Variants in RASAL2 observed in about 807,000 individuals in gnomAD.
The protein encoded by RASAL2 is RAS protein activator like 2.
Under a neutral mutation model 128.9 loss-of-function variants are expected in RASAL2, and 58 were observed. The ratio of observed to expected loss-of-function variants is 0.45; its 90% CI spans 0.36 to 0.56. RASAL2 has a LOEUF of 0.56. RASAL2 is among the 20% of genes least tolerant of loss of function. RASAL2 has a pLI of 0.00. For missense variants in RASAL2, 1,360 were observed against 1,601.6 expected, an observed-to-expected ratio of 0.85 and a Z score of 2.57; for synonymous variants, 561 against 580.8, an observed-to-expected ratio of 0.97 and a Z score of 0.49.
At position 178,371,681 on chromosome 1, in the gene RASAL2, G is replaced by A. The variant is rs74415169; in HGVS notation, c.458-18419G>A. Among the ~76,000 whole-genome samples the A allele has an allele frequency of 5.0e-3, 767 of 152,216 alleles. 15 individuals carry two copies. Among genetic ancestry groups the A allele is most frequent in the African/African-American group, 0.018 (738 of 41,526 alleles). The stretch of plus-strand genomic sequence containing the variant: ...CTGTTGAAATAGCTAAAGCAGGAAG[G>A]GGAAGGGGGCTGCAGTTCTTGCGGA... On this transcript the variant is annotated intron_variant, in intron 3 of 17. Coordinates refer to ENST00000367649, the MANE Select transcript of RASAL2 (RefSeq NM_170692.4).
intron 1 of RASAL2, among the ~76,000 whole-genome samples, chr1:178,216,717 G>A (rs1163867313): frequency 2.0e-5 from 3 of 152,138 alleles, no homozygotes; most frequent in African/African-American, 7.2e-5. Context: ...TTGGCTCACT[G>A]CAGCCTCTGC....
intron 9 of RASAL2, among the ~76,000 whole-genome samples, chr1:178,448,714 T>C (rs977296007): frequency 3.3e-5 from 5 of 151,828 alleles, no homozygotes; most frequent in Non-Finnish European, 7.4e-5. Context: ...TAGGAGTGAG[T>C]ATTTATTGAC....
intron 1 of RASAL2, among the ~76,000 whole-genome samples, chr1:178,097,136 A>G (rs2102210746): frequency 1.3e-5 from 2 of 152,320 alleles, no homozygotes; most frequent in East Asian, 3.9e-4. Flanking sequence ...GGAAATCTAC[A>G]AATTGGGAAC....
At chr1:178,457,562 T>G in intron 13 of RASAL2, 121 bp from the exon 14 acceptor site, 1 of 1,017,906 alleles carries the variant, frequency 9.8e-7, no homozygotes, top group Admixed American at 2.7e-5. Context: ...AATCTGAGTT[T>G]CCAAAGAAAT....
intron 1 of RASAL2, among the ~76,000 whole-genome samples, chr1:178,112,311 G>C (rs1220481249): frequency 6.6e-6 from 1 of 152,020 alleles, no homozygotes; most frequent in Non-Finnish European, 1.5e-5. Context: ...TAGCACTTTG[G>C]GAGGCCAAGG....
intron 3 of RASAL2, among the ~76,000 whole-genome samples, chr1:178,300,733 C>G (rs1334266516): frequency 6.6e-6 from 1 of 152,122 alleles, no homozygotes; most frequent in African/African-American, 2.4e-5. Flanking sequence ...AGCTCTTCTC[C>G]CATTCCCTAC....
At chr1:178,283,824 A>C in intron 2 of RASAL2, 133 bp downstream of exon 2, 1 of 1,058,102 alleles carries the variant, frequency 9.5e-7, no homozygotes, top group South Asian at 1.6e-5. Context: ...GTAAGTCTAA[A>C]AGGCTGCTAA....
chr1:178,471,676 C>A (rs1354206733), intron 17 of RASAL2, among the ~76,000 whole-genome samples: 1 of 152,014 alleles, frequency 6.6e-6, no homozygotes, highest in East Asian at 1.9e-4. Context: ...CTTACGGATC[C>A]TACCCTCCTG....
chr1:178,204,447 C>T (rs1662975186), intron 1 of RASAL2, among the ~76,000 whole-genome samples: 2 of 152,144 alleles, frequency 1.3e-5, no homozygotes, highest in Non-Finnish European at 2.9e-5. Flanking sequence ...CTATTCATCT[C>T]TGTATCTTTG....
At chr1:178,156,623 A>G (rs1221094883) in intron 1 of RASAL2, among the ~76,000 whole-genome samples, 1 of 152,202 alleles carries the variant, frequency 6.6e-6, no homozygotes, top group Admixed American at 6.5e-5. Context: ...TAAAGTGTAT[A>G]CTTCTTTTTG....
At chr1:178,394,856 A>T (rs1316056126) in intron 4 of RASAL2, among the ~76,000 whole-genome samples, 1 of 152,206 alleles carries the variant, frequency 6.6e-6, no homozygotes, top group Non-Finnish European at 1.5e-5. Context: ...GAAAGAAAAC[A>T]TTGTCAAAAA....
chr1:178,426,904 G>T (rs570987007), intron 5 of RASAL2, among the ~76,000 whole-genome samples: 14 of 152,228 alleles, frequency 9.2e-5, no homozygotes, highest in Non-Finnish European at 1.9e-4. Context: ...GATTAATCCA[G>T]CAGTGGAATT....
intron 1 of RASAL2, among the ~76,000 whole-genome samples, chr1:178,238,021 C>T (rs1664331126): frequency 6.6e-6 from 1 of 152,194 alleles, no homozygotes; most frequent in Non-Finnish European, 1.5e-5. Context: ...GCTGTACAAG[C>T]ACACCACAAT....
chr1:178,150,411 C>T (rs1043566539), intron 1 of RASAL2, among the ~76,000 whole-genome samples: 3 of 152,100 alleles, frequency 2.0e-5, no homozygotes, highest in African/African-American at 7.2e-5. Flanking sequence ...GTCTCAAACT[C>T]CTGACCTCAG....
chr1:178,471,845 C>T (rs186294959), intron 17 of RASAL2, among the ~76,000 whole-genome samples: 3 of 152,266 alleles, frequency 2.0e-5, no homozygotes, highest in African/African-American at 4.8e-5. Flanking sequence ...TGGGTAGCTG[C>T]TGTTTTAATA....
At position 178,369,050 on chromosome 1, in the gene RASAL2, A is replaced by G. The variant is rs543038192; in HGVS notation, c.458-21050A>G. Among the ~76,000 whole-genome samples, 3 of 152,254 alleles carry G rather than the reference A, an allele frequency of 2.0e-5. 1 individual carries two copies. In the East Asian group the frequency reaches 5.8e-4, roughly 29 times the overall value. ...AAGTTTCAATGTTTTATTTTTAAGG[A>G]AGGACTAGTTCATGCTTTGTTCGGA... On this transcript the variant is annotated intron_variant, in intron 3 of 17. Transcript: ENST00000367649.
chr1:178,359,930 G>T (rs34194793), intron 3 of RASAL2, among the ~76,000 whole-genome samples: 16,181 of 152,036 alleles, frequency 0.11, 917 homozygotes, highest in Middle Eastern at 0.14. Flanking sequence ...TTTAACATAT[G>T]GACTCACAGA....
intron 1 of RASAL2, among the ~76,000 whole-genome samples, chr1:178,206,805 A>G (rs1663065599): frequency 1.3e-5 from 2 of 152,194 alleles, no homozygotes; most frequent in Admixed American, 1.3e-4. Flanking sequence ...TAACCTTTAA[A>G]AAAAAGTTCA....
At chr1:178,105,992 C>T (rs1659074224) in intron 1 of RASAL2, among the ~76,000 whole-genome samples, 1 of 152,104 alleles carries the variant, frequency 6.6e-6, no homozygotes, top group African/African-American at 2.4e-5. Flanking sequence ...TCTTTTTGAA[C>T]TCAGTAAAAA....
Sources: allele counts gnomAD v4.1 joint callset (sites outside exome capture counted in the v4.1 genomes callset), GRCh38; gene constraint gnomAD v4.1.1; transcripts MANE v1.5; gene names NCBI Gene and HGNC (gene_info 2026-07-23, HGNC 2026-07-21).